TMEM232: variants seen among roughly 807,000 people sequenced by gnomAD.
The protein encoded by TMEM232 is transmembrane protein 232.
A neutral mutation model predicts 78.8 loss-of-function variants in TMEM232; 80 were observed. The ratio of observed to expected loss-of-function variants is 1.01; its 90% CI spans 0.85 to 1.22. The LOEUF (loss-of-function observed/expected upper bound fraction) is 1.22. Among genes scored for constraint, TMEM232 ranks in the 50% most tolerant of loss-of-function variants. The probability of loss-of-function intolerance (pLI) is 0.00; values close to 1 mark genes in which losing one functional copy is unlikely to be tolerated. For synonymous variants in TMEM232, 297 were observed against 254.3 expected (o/e 1.17, Z -1.60); for missense variants, 881 against 742.2 (o/e 1.19, Z -2.17).
chr5:110,402,284 CTTAAGA>C (rs1755630414), intron 2 of TMEM232, among the ~76,000 whole-genome samples: 1 of 152,044 alleles, frequency 6.6e-6, no homozygotes, highest in African/African-American at 2.4e-5. Context: ...GCTGTTGTTG[CTTAAGA>C]TTGTTTCCTG....
At chr5:110,694,316 G>C (rs553607996) in intron 1 of TMEM232, among the ~76,000 whole-genome samples, 1 of 152,274 alleles carries the variant, frequency 6.6e-6, no homozygotes, top group Admixed American at 6.5e-5. Context: ...ACTCAACATG[G>C]AAAGGAACAA....
intron 12 of TMEM232, among the ~76,000 whole-genome samples, chr5:110,491,431 T>G (rs925285359): frequency 6.6e-6 from 1 of 151,996 alleles, no homozygotes; most frequent in African/African-American, 2.4e-5. Context: ...TTAAACTCTA[T>G]GTAAAATGTC....
chr5:110,505,877 T>G (rs939561070), intron 12 of TMEM232, among the ~76,000 whole-genome samples: 9 of 152,206 alleles, frequency 5.9e-5, no homozygotes, highest in African/African-American at 2.2e-4. Flanking sequence ...TTCCTTTCTT[T>G]TTTGTTATTT....
At chr5:110,592,448 T>C (rs1192620384) in intron 10 of TMEM232, among the ~76,000 whole-genome samples, 2 of 152,140 alleles carry the variant, frequency 1.3e-5, no homozygotes, top group African/African-American at 2.4e-5. Flanking sequence ...AGAAGTTAGA[T>C]GTCATAGAAA....
intron 2 of TMEM232, among the ~76,000 whole-genome samples, chr5:110,409,038 G>A (rs555199304): frequency 6.6e-6 from 1 of 152,278 alleles, no homozygotes; most frequent in African/African-American, 2.4e-5. Flanking sequence ...CAACACTATT[G>A]TAGCAATAGC....
chr5:110,592,672 A>G (rs1326587824), intron 10 of TMEM232, among the ~76,000 whole-genome samples: 1 of 152,168 alleles, frequency 6.6e-6, no homozygotes, highest in African/African-American at 2.4e-5. Context: ...AACAAAAACA[A>G]AAACAAAAAA....
chr5:110,508,380 GAAATAA>G (rs1561589824), intron 12 of TMEM232, among the ~76,000 whole-genome samples: 1 of 150,652 alleles, frequency 6.6e-6, no homozygotes, highest in African/African-American at 2.4e-5. Flanking sequence ...GGTAGGAAAT[GAAATAA>G]AAACAAAATT....
intron 12 of TMEM232, among the ~76,000 whole-genome samples, chr5:110,505,526 A>G (rs1264916564): frequency 6.6e-6 from 1 of 152,148 alleles, no homozygotes; most frequent in Admixed American, 6.5e-5. Flanking sequence ...TTTCTTTTTG[A>G]AACAGAGTCT....
intron 1 of TMEM232, among the ~76,000 whole-genome samples, chr5:110,681,416 A>G (rs545186417): frequency 3.0e-4 from 46 of 152,280 alleles, no homozygotes; most frequent in South Asian, 8.3e-4. Flanking sequence ...AGCACTCCCT[A>G]CCTGTTCAAG....
chr5:110,662,566 A>T (rs760561636), intron 2 of TMEM232, among the ~76,000 whole-genome samples: 1 of 152,160 alleles, frequency 6.6e-6, no homozygotes, highest in Non-Finnish European at 1.5e-5. Flanking sequence ...GGAAAAATCT[A>T]TCATCTTGAC....
rs2094213066 is a variant in TMEM232 at position 110,537,952 on chromosome 5, CA to C, written c.1456-9118del. ...ATCTTTGAGGCCGCCCATGGGGAAG[CA>C]GATGATTTATTCATCTGAATCCTTT... On this transcript the variant is annotated intron_variant, in intron 11 of 13. Coordinates refer to ENST00000455884, the MANE Select transcript of TMEM232 (RefSeq NM_001039763.4). Among the ~76,000 whole-genome samples, 3 of 152,336 alleles carry C rather than the reference CA, an allele frequency of 2.0e-5. No homozygotes were observed. In the South Asian group the frequency reaches 6.2e-4, roughly 32 times the overall value.
intron 1 of TMEM232, among the ~76,000 whole-genome samples, chr5:110,686,203 T>C (rs1022918344): frequency 6.6e-6 from 1 of 152,002 alleles, no homozygotes; most frequent in Admixed American, 6.6e-5. Flanking sequence ...GTGACTTAGT[T>C]GACTAACAGA....
chr5:110,735,536 A>G (rs1799068512), intron 1 of TMEM232, among the ~76,000 whole-genome samples: 1 of 152,096 alleles, frequency 6.6e-6, no homozygotes, highest in South Asian at 2.1e-4. Flanking sequence ...TTATATAGTG[A>G]TTTAATATTT....
At chr5:110,622,921 A>G (rs966306173) in intron 7 of TMEM232, among the ~76,000 whole-genome samples, 1 of 151,904 alleles carries the variant, frequency 6.6e-6, no homozygotes, top group African/African-American at 2.4e-5. Flanking sequence ...GCAGCACACC[A>G]GCATGGCACA....
At chr5:110,398,100 T>G (rs947125366) in intron 2 of TMEM232, among the ~76,000 whole-genome samples, 11 of 152,116 alleles carry the variant, frequency 7.2e-5, no homozygotes, top group African/African-American at 2.7e-4. Context: ...TACCAACCTT[T>G]AGTCAATATC....
At chr5:110,595,961 A>G (rs1225526478) in intron 10 of TMEM232, among the ~76,000 whole-genome samples, 1 of 152,176 alleles carries the variant, frequency 6.6e-6, no homozygotes, top group African/African-American at 2.4e-5. Flanking sequence ...AGCAACCCCA[A>G]GACACATAAT....
At chr5:110,693,639 A>G (rs972345771) in intron 1 of TMEM232, among the ~76,000 whole-genome samples, 1 of 152,224 alleles carries the variant, frequency 6.6e-6, no homozygotes, top group African/African-American at 2.4e-5. Context: ...ACCACGGCAC[A>G]ACAACTACGT....
At chr5:110,574,379 A>T (rs985864978) in intron 10 of TMEM232, among the ~76,000 whole-genome samples, 1 of 152,106 alleles carries the variant, frequency 6.6e-6, no homozygotes, top group Non-Finnish European at 1.5e-5. Flanking sequence ...AGGTACACTA[A>T]AGAATTAACC....
intron 11 of TMEM232, among the ~76,000 whole-genome samples, chr5:110,553,852 T>C (rs766723462): frequency 5.9e-5 from 9 of 152,188 alleles, no homozygotes; most frequent in Non-Finnish European, 1.0e-4. Context: ...AGCTGTGGGT[T>C]TGTCATAGAT....
Sources: allele counts gnomAD v4.1 joint callset (sites outside exome capture counted in the v4.1 genomes callset), GRCh38; gene constraint gnomAD v4.1.1; transcripts MANE v1.5; gene names NCBI Gene and HGNC (gene_info 2026-07-23, HGNC 2026-07-21).